FHAD1: variants seen among roughly 807,000 people sequenced by gnomAD.
The protein encoded by FHAD1 is forkhead-associated domain-containing protein 1.
Under a neutral mutation model 191.3 loss-of-function variants are expected in FHAD1, and 146 were observed. The observed-to-expected ratio is 0.76, with a 90% CI of 0.67 to 0.88. FHAD1 has a LOEUF of 0.88. Among genes scored for constraint, FHAD1 ranks in the 40% least tolerant of loss-of-function variants. The pLI is 0.00. For synonymous variants in FHAD1, 616 were observed against 672.3 expected, an observed-to-expected ratio of 0.92 and a Z score of 1.29; for missense variants, 1,635 against 1,785.8, an observed-to-expected ratio of 0.92 and a Z score of 1.52.
At position 15,346,065 on chromosome 1, in the gene FHAD1, C is replaced by G. The variant is rs1688821070; in HGVS notation, c.2346+542C>G. On this transcript the variant is annotated intron_variant, in intron 18 of 33. Coordinates refer to ENST00000688493, the MANE Select transcript of FHAD1 (RefSeq NM_001391957.1). ...TCCCCTGCGCTCCCACAAGATACAT[C>G]TACTTCCTCTTCCACATGATGACTC... is the stretch of plus-strand genomic sequence containing the variant. Among the ~76,000 whole-genome samples, 4 of 152,158 alleles carry G rather than the reference C, an allele frequency of 2.6e-5. No individual in the cohort carries two copies. The South Asian group carries it at 8.3e-4, about 31-fold the overall frequency.
chr1:15,253,077 C>T (rs1425955636), intron 2 of FHAD1, among the ~76,000 whole-genome samples: 17 of 151,744 alleles, frequency 1.1e-4, no homozygotes, highest in Admixed American at 9.9e-4. Flanking sequence ...TACCTTCCAC[C>T]CAGTTTCCTC....
At chr1:15,375,474 A>AT (rs1699329149) in intron 27 of FHAD1, 129 bp from the exon 28 acceptor site, 3 of 869,274 alleles carry the variant, frequency 3.5e-6, no homozygotes, top group Admixed American at 6.3e-5. Context: ...CTGTGTCCTC[A>AT]TCTGCCACGG....
chr1:15,317,754 C>T (rs1313435288), intron 9 of FHAD1, 70 bp from the exon 10 acceptor site: 1 of 1,035,426 alleles, frequency 9.7e-7, no homozygotes, highest in Non-Finnish European at 1.5e-6. Flanking sequence ...GATGAGGGCT[C>T]AGACCTCTCA....
chr1:15,324,719 C>A (rs1435751903), intron 11 of FHAD1, 160 bp downstream of exon 11: 3 of 626,760 alleles, frequency 4.8e-6, no homozygotes, highest in African/African-American at 1.8e-5. Flanking sequence ...CAGCTCCCCA[C>A]CCCCATGGAC....
chr1:15,354,426 A>G (rs1692006346), intron 20 of FHAD1, among the ~76,000 whole-genome samples: 1 of 152,156 alleles, frequency 6.6e-6, no homozygotes, highest in Non-Finnish European at 1.5e-5. Flanking sequence ...AAGGCAGACG[A>G]GAGTTGGGTG....
rs563554462 is a variant in FHAD1 at position 15,274,077 on chromosome 1, T to C, written c.300+1548T>C. Among the ~76,000 whole-genome samples the C allele has an allele frequency of 1.1e-4, 17 of 152,324 alleles. No homozygotes were observed. The East Asian group carries it at 3.3e-3, about 29-fold the overall frequency. On this transcript the variant is annotated intron_variant, in intron 3 of 33. Transcript: ENST00000688493. ...TGTTGTAGCATGCGTCAGACTGTCC[T>C]TCCTTTTGAAAGCTGAAGAATGCTC... is the stretch of plus-strand genomic sequence containing the variant.
chr1:15,350,163 C>T (rs1172307746), intron 19 of FHAD1, among the ~76,000 whole-genome samples: 1 of 152,278 alleles, frequency 6.6e-6, no homozygotes, highest in Non-Finnish European at 1.5e-5. Flanking sequence ...TTCATTCATC[C>T]ACCCACCGTG....
chr1:15,357,999 A>T, intron 20 of FHAD1, 111 bp from the exon 21 acceptor site: 1 of 742,088 alleles, frequency 1.3e-6, no homozygotes, highest in Non-Finnish European at 2.1e-6. Flanking sequence ...AAGAATCGAC[A>T]GAATAATTAG....
At chr1:15,385,038 G>A (rs576030362) in intron 31 of FHAD1, among the ~76,000 whole-genome samples, 5 of 152,068 alleles carry the variant, frequency 3.3e-5, no homozygotes, top group Admixed American at 1.3e-4. Context: ...CATTTCTCTC[G>A]GGGTTCATCC....
rs115076984 is a variant in FHAD1 at position 15,330,500 on chromosome 1, G to A, written c.1906+959G>A. 1.0e-3 allele frequency among the ~76,000 whole-genome samples: 152 copies of A among 152,258 alleles called. 1 individual carries two copies. The highest frequency in any genetic ancestry group is 3.5e-3 in the African/African-American group (147 of 41,556). On this transcript the variant is annotated intron_variant, in intron 14 of 33. Coordinates refer to ENST00000688493, the MANE Select transcript of FHAD1 (RefSeq NM_001391957.1). ...AATAAAATACTGGGGAAAAAAACAG[G>A]CCCTCCAAGAGCTTATGGTCTCAGG...
Position 15,327,147 on chromosome 1 carries a change from G to A in FHAD1, c.1557+5G>A. On this transcript the variant is annotated splice_donor_5th_base_variant and intron_variant, in intron 12 of 33. Coordinates refer to ENST00000688493, the MANE Select transcript of FHAD1 (RefSeq NM_001391957.1). The surrounding 1 kb of genome is among the most constrained non-coding windows in gnomAD (Gnocchi z 5.1). ...AAGCCCGTCACCGACCAACAGGTTA[G>A]TCTGCCGTCCCTGCCACGTGGCTCC... 6.5e-7 allele frequency: 1 copy of A among 1,548,452 alleles called. No individual in the cohort carries two copies. The highest frequency in any genetic ancestry group is 1.2e-5 in the South Asian group (1 of 83,932).
chr1:15,317,752 C>T, intron 9 of FHAD1, 72 bp from the exon 10 acceptor site: 1 of 1,019,012 alleles, frequency 9.8e-7, no homozygotes, highest in Non-Finnish European at 1.5e-6. Context: ...ATGATGAGGG[C>T]TCAGACCTCT....
At chr1:15,293,530 T>C (rs11582384) in intron 4 of FHAD1, among the ~76,000 whole-genome samples, 16,114 of 152,038 alleles carry the variant, frequency 0.11, 2,656 homozygotes, top group African/African-American at 0.35. Context: ...CCAGCCTGAC[T>C]AACATGGTGA....
chr1:15,281,156 C>T (rs1185111935), intron 3 of FHAD1, among the ~76,000 whole-genome samples: 1 of 152,232 alleles, frequency 6.6e-6, no homozygotes. Flanking sequence ...AGGCTGTCTT[C>T]CTGGGCCGCA....
Position 15,381,425 on chromosome 1 carries a change from A to C in FHAD1, c.3996A>C (p.Gly1332=). 1 of 1,551,570 alleles carries C rather than the reference A, an allele frequency of 6.4e-7. No homozygotes were observed. The highest frequency in any genetic ancestry group is 8.7e-7 in the Non-Finnish European group (1 of 1,146,990). Residue 1332 remains glycine, a synonymous_variant, in exon 30 of 34, where the codon GGA becomes GGC. Transcript: ENST00000688493. The surrounding 1 kb of genome is among the most constrained non-coding windows in gnomAD (Gnocchi z 4.6). ...QLGRKEELLR[G]YEKDVEQLRR... is the part of the protein sequence containing the mutation. Reference sequence around the variant, plus strand: ...GGAGGAAAGAGGAGCTGTTGAGAGGATATGAAAAGGACGTTGAACAGCTCA... The same window carrying C: ...GGAGGAAAGAGGAGCTGTTGAGAGGCTATGAAAAGGACGTTGAACAGCTCA...
chr1:15,391,186 G>A, intron 32 of FHAD1, 24 bp from the exon 33 acceptor site: 1 of 1,244,732 alleles, frequency 8.0e-7, no homozygotes, highest in Non-Finnish European at 1.0e-6. Context: ...GCTAGATTTT[G>A]TTCTTATTCT....
chr1:15,379,401 C>G (rs185110735), intron 28 of FHAD1, among the ~76,000 whole-genome samples: 49 of 152,360 alleles, frequency 3.2e-4, no homozygotes, highest in Non-Finnish European at 5.3e-4. Context: ...CATCTCCAGC[C>G]CTAAGGCGGT....
At chr1:15,344,120 G>T (rs941561448) in intron 16 of FHAD1, among the ~76,000 whole-genome samples, 3 of 152,174 alleles carry the variant, frequency 2.0e-5, no homozygotes, top group Admixed American at 1.3e-4. Context: ...TGTGACACTC[G>T]AAGGTCGCCC....
chr1:15,397,200 AAATT>A, intron 33 of FHAD1, 93 bp from the exon 34 acceptor site: 5 of 578,482 alleles, frequency 8.6e-6, no homozygotes, highest in Admixed American at 7.1e-5. Context: ...CAAAAAAAAA[AAATT>A]AAATAAAATA....
Sources: allele counts gnomAD v4.1 joint callset (sites outside exome capture counted in the v4.1 genomes callset), GRCh38; gene constraint gnomAD v4.1.1; non-coding constraint Gnocchi (gnomAD v3.1); transcripts MANE v1.5; gene names NCBI Gene and HGNC (gene_info 2026-07-23, HGNC 2026-07-21).